Variants in PDE10A observed in about 807,000 individuals in gnomAD.
PDE10A encodes cAMP and cAMP-inhibited cGMP 3',5'-cyclic phosphodiesterase 10A.
In PDE10A, 39 loss-of-function variants were observed where a neutral mutation model predicts 97.7. The ratio of observed to expected loss-of-function variants is 0.40; its 90% CI spans 0.31 to 0.52. The LOEUF is 0.52. Among genes scored for constraint, PDE10A ranks in the 20% least tolerant of loss-of-function variants. The probability of loss-of-function intolerance (pLI) is 0.56; values close to 1 mark genes in which losing one functional copy is unlikely to be tolerated. For missense variants in PDE10A, 731 were observed against 1,047.8 expected (o/e 0.70, Z 4.17); for synonymous variants, 371 against 376.8 (o/e 0.98, Z 0.18).
At chr6:165,665,901 ATGT>A (rs1790487386), upstream of PDE10A, among the ~76,000 whole-genome samples, 1 of 152,188 alleles carries the variant, frequency 6.6e-6, no homozygotes, top group Non-Finnish European at 1.5e-5. Flanking sequence ...ATTCTTCTAT[ATGT>A]TGTTATTTTT....
intron 2 of PDE10A, among the ~76,000 whole-genome samples, chr6:165,515,389 A>G (rs1210921511): frequency 2.0e-5 from 3 of 152,010 alleles, no homozygotes; most frequent in Admixed American, 1.3e-4. Flanking sequence ...TGAAATTCTA[A>G]ATTTTCTTGT....
chr6:165,431,465 G>A lies in PDE10A; in HGVS notation c.1499C>T (p.Thr500Ile), dbSNP rs1789550648. ...TACTGAAGCCCAGGCAAGATTTGCT[G>A]TTGCAACCTAAAAAAAACAAGAAAT... ...AFCLSHQEVA[T>I]ANLAWASVAI... is the part of the protein sequence containing the mutation. Residue 500 changes from threonine to isoleucine, a missense_variant, in exon 8 of 22, where the codon ACA becomes ATA. Thr to Ile is a moderately conservative substitution (Grantham distance 89, BLOSUM62 -1). Transcript: ENST00000539869. 1 of 1,591,986 alleles carries A rather than the reference G, an allele frequency of 6.3e-7. No homozygotes were observed. The highest frequency in any genetic ancestry group is 8.6e-7 in the Non-Finnish European group (1 of 1,166,628).
chr6:165,708,602 G>C (rs1791782958), intron 1 of PDE10A, among the ~76,000 whole-genome samples: 1 of 151,442 alleles, frequency 6.6e-6, no homozygotes, highest in Admixed American at 6.6e-5. Flanking sequence ...ATAGGCCCAG[G>C]GCAAAAACAC....
At chr6:165,608,067 T>C (rs1272385419) in intron 1 of PDE10A, among the ~76,000 whole-genome samples, 1 of 146,342 alleles carries the variant, frequency 6.8e-6, no homozygotes, top group Non-Finnish European at 1.5e-5. Flanking sequence ...TATATGTATA[T>C]ATATATGTAT....
intron 1 of PDE10A, among the ~76,000 whole-genome samples, chr6:165,851,852 A>G (rs1780582742): frequency 6.6e-6 from 1 of 152,136 alleles, no homozygotes. Context: ...GCACTTTGGG[A>G]GGCTGAGGTA....
intron 1 of PDE10A, among the ~76,000 whole-genome samples, chr6:165,802,045 T>C (rs1562743951): frequency 6.6e-6 from 1 of 152,198 alleles, no homozygotes; most frequent in Non-Finnish European, 1.5e-5. Flanking sequence ...CTGATTTTCA[T>C]AGCCACCCAT....
intron 1 of PDE10A, among the ~76,000 whole-genome samples, chr6:165,889,936 AC>A (rs1781737997): frequency 9.8e-5 from 1 of 10,222 alleles, no homozygotes. Context: ...CTCCTCCCTC[AC>A]TCCTCCCTCC....
intron 18 of PDE10A, among the ~76,000 whole-genome samples, chr6:165,378,503 A>G (rs1784749698): frequency 6.6e-6 from 1 of 152,184 alleles, no homozygotes; most frequent in African/African-American, 2.4e-5. Flanking sequence ...ACTTTGATCT[A>G]ATATACAGAT....
chr6:165,670,518 C>T (rs962086458), intron 1 of PDE10A, among the ~76,000 whole-genome samples: 1 of 152,192 alleles, frequency 6.6e-6, no homozygotes, highest in Non-Finnish European at 1.5e-5. Flanking sequence ...TTAACGTGTG[C>T]ATTCTGAGCA....
At chr6:165,623,467 A>T (rs538530817) in intron 1 of PDE10A, among the ~76,000 whole-genome samples, 1 of 151,868 alleles carries the variant, frequency 6.6e-6, no homozygotes, top group South Asian at 2.1e-4. Flanking sequence ...CAGCCTTTTA[A>T]CCTATGACAT....
intron 1 of PDE10A, among the ~76,000 whole-genome samples, chr6:165,577,115 G>A (rs544200003): frequency 6.6e-6 from 1 of 152,340 alleles, no homozygotes; most frequent in Non-Finnish European, 1.5e-5. Flanking sequence ...CAATCCTGGA[G>A]TTGCCCTTCC....
intron 1 of PDE10A, among the ~76,000 whole-genome samples, chr6:165,845,790 C>A (rs754671805): frequency 6.6e-6 from 1 of 152,160 alleles, no homozygotes; most frequent in Non-Finnish European, 1.5e-5. Flanking sequence ...AATCTGCCAA[C>A]ATCTGCAAAA....
At chr6:165,630,620 T>C (rs1471086968) in intron 1 of PDE10A, among the ~76,000 whole-genome samples, 1 of 152,204 alleles carries the variant, frequency 6.6e-6, no homozygotes, top group Non-Finnish European at 1.5e-5. Flanking sequence ...GTTTACTTAG[T>C]ACCTTTATTC....
chr6:165,518,596 T>C (rs1253371932), intron 2 of PDE10A, among the ~76,000 whole-genome samples: 1 of 152,112 alleles, frequency 6.6e-6, no homozygotes, highest in Non-Finnish European at 1.5e-5. Context: ...CGCACAACAG[T>C]AGTGATGCTG....
At chr6:165,970,941 A>G (rs1784650361) in intron 1 of PDE10A, among the ~76,000 whole-genome samples, 1 of 152,186 alleles carries the variant, frequency 6.6e-6, no homozygotes, top group Non-Finnish European at 1.5e-5. Context: ...GAGATCAGGA[A>G]TTCGAGACCC....
At chr6:165,484,915 T>C (rs1213338261) in intron 2 of PDE10A, among the ~76,000 whole-genome samples, 1 of 152,138 alleles carries the variant, frequency 6.6e-6, no homozygotes, top group African/African-American at 2.4e-5. Flanking sequence ...CTAGCCAAGA[T>C]GAGTAAAAGA....
At chr6:165,699,963 G>T (rs1791529577) in intron 1 of PDE10A, among the ~76,000 whole-genome samples, 2 of 151,848 alleles carry the variant, frequency 1.3e-5, no homozygotes, top group African/African-American at 4.8e-5. Context: ...CAAGCAAAAA[G>T]AAGGAAATTA....
intron 1 of PDE10A, among the ~76,000 whole-genome samples, chr6:165,615,433 G>GAA (rs1167021141): frequency 6.6e-6 from 1 of 151,522 alleles, no homozygotes; most frequent in East Asian, 1.9e-4. Flanking sequence ...CCAAAGTGAT[G>GAA]AAAATAAGTC....
intron 21 of PDE10A, among the ~76,000 whole-genome samples, chr6:165,333,773 T>C (rs1781480009): frequency 1.3e-5 from 2 of 152,194 alleles, no homozygotes; most frequent in South Asian, 4.1e-4. Flanking sequence ...TTCACAGGCA[T>C]CGTCATCTTC....
Sources: allele counts gnomAD v4.1 joint callset (sites outside exome capture counted in the v4.1 genomes callset), GRCh38; gene constraint gnomAD v4.1.1; transcripts MANE v1.5; gene names NCBI Gene and HGNC (gene_info 2026-07-23, HGNC 2026-07-21).